Variants in RBM47 observed in about 807,000 individuals in gnomAD.
The protein encoded by RBM47 is RNA binding motif protein 47.
A neutral mutation model predicts 47.1 loss-of-function variants in RBM47; 21 were observed. That is an observed-to-expected ratio of 0.45 (90% confidence interval 0.32 to 0.64). The LOEUF (loss-of-function observed/expected upper bound fraction) is 0.64, where lower values mean the gene tolerates loss of function less well. Among genes scored for constraint, RBM47 ranks in the 30% least tolerant of loss-of-function variants. The probability of loss-of-function intolerance (pLI) is 0.05; values close to 1 mark genes in which losing one functional copy is unlikely to be tolerated. For synonymous variants in RBM47, 375 were observed against 361.7 expected (o/e 1.04, Z -0.42); for missense variants, 708 against 870.9 (o/e 0.81, Z 2.35).
At position 40,438,310 on chromosome 4, in the gene RBM47, C is replaced by G; in HGVS notation, c.584G>C (p.Gly195Ala). ...ASAADKMKNR[G>A]FAFVEYESHR... Reference sequence around the variant, plus strand: ...GCTCTCGTACTCCACGAAGGCGAAGCCGCGGTTCTTCATCTTGTCGGCCGC... The same window carrying G: ...GCTCTCGTACTCCACGAAGGCGAAGGCGCGGTTCTTCATCTTGTCGGCCGC... Residue 195 changes from glycine to alanine, a missense_variant, in exon 4 of 7, where the codon GGC becomes GCC. Gly to Ala is a moderately conservative substitution (Grantham distance 60). Transcript: ENST00000295971. 1 of 1,606,686 alleles carries G rather than the reference C, an allele frequency of 6.2e-7. No homozygotes were observed. The highest frequency in any genetic ancestry group is 8.5e-7 in the Non-Finnish European group (1 of 1,179,876).
chr4:40,474,944 C>T (rs776098453), intron 2 of RBM47, among the ~76,000 whole-genome samples: 1 of 152,182 alleles, frequency 6.6e-6, no homozygotes, highest in African/African-American at 2.4e-5. Flanking sequence ...ACTTCAAATG[C>T]TATTCAAATT....
At chr4:40,482,992 G>GA (rs964994155) in intron 2 of RBM47, among the ~76,000 whole-genome samples, 8 of 152,024 alleles carry the variant, frequency 5.3e-5, no homozygotes, top group African/African-American at 1.4e-4. Context: ...GAAATCATTC[G>GA]AAAAAAATCA....
rs1163057897 is a variant in RBM47, at chr4:40,423,436, TTA to T, written c.*2466_*2467del. The T allele has an allele frequency of 2.0e-5, 3 of 151,918 alleles. No homozygotes were observed. The highest frequency in any genetic ancestry group is 1.3e-4 in the Admixed American group (2 of 15,260). The allele number at this position is 151,918 out of a possible 1,614,324, so 9.4% of individuals were successfully genotyped here. A position where few individuals can be genotyped will look rare whatever the true frequency, so the allele number is the denominator to read the frequency against. ...GAACTCTAAAACTTTTTTTTTACAT[TTA>T]TATAGTTTGTTCTTAACACTAAAAA... On this transcript the variant is annotated 3_prime_UTR_variant, in exon 7 of 7. Coordinates refer to ENST00000295971, the MANE Select transcript of RBM47 (RefSeq NM_001098634.2).
At chr4:40,517,591 C>T (rs1182618237) in intron 2 of RBM47, among the ~76,000 whole-genome samples, 1 of 152,198 alleles carries the variant, frequency 6.6e-6, no homozygotes, top group Non-Finnish European at 1.5e-5. Context: ...GGCATATATT[C>T]TACGTACAGT....
intron 1 of RBM47, among the ~76,000 whole-genome samples, chr4:40,558,524 C>CAAAAAA (rs1198741417): frequency 1.1e-5 from 1 of 92,646 alleles, no homozygotes; most frequent in Non-Finnish European, 2.4e-5. Context: ...ATTAAAACTA[C>CAAAAAA]AAAAAAAAAA....
chr4:40,433,317 G>T (rs922559216), intron 5 of RBM47, among the ~76,000 whole-genome samples: 1 of 152,052 alleles, frequency 6.6e-6, no homozygotes, highest in Non-Finnish European at 1.5e-5. Context: ...GCTCACTATT[G>T]TTCTCTCAGT....
rs868366545 is a variant in RBM47, at chr4:40,437,088, A to T, written c.1124-441T>A. Among the ~76,000 whole-genome samples the T allele has an allele frequency of 1.6e-3, 87 of 54,000 alleles. 8 individuals carry two copies. Among genetic ancestry groups the T allele is most frequent in the African/African-American group, 6.8e-3 (63 of 9,244 alleles). 35.4% of individuals were successfully genotyped at this position (54,000 alleles called of 152,430 possible). On this transcript the variant is annotated intron_variant, in intron 4 of 6. Transcript: ENST00000295971. ...GACCCTGTCTCAAAAAAAAAAAAAA[A>T]AAATATATATATATATATATATAAA...
At chr4:40,624,218 T>C (rs1277691676) in intron 1 of RBM47, among the ~76,000 whole-genome samples, 2 of 152,086 alleles carry the variant, frequency 1.3e-5, no homozygotes, top group African/African-American at 2.4e-5. Context: ...GGAAACTGAG[T>C]CACAGAGTTT....
intron 2 of RBM47, among the ~76,000 whole-genome samples, chr4:40,507,582 T>C (rs1272517256): frequency 6.6e-6 from 1 of 152,066 alleles, no homozygotes; most frequent in African/African-American, 2.4e-5. Context: ...AAGTCAGGAA[T>C]TCAAGACCAG....
chr4:40,611,273 T>C lies in RBM47; in HGVS notation c.-240+18123A>G, dbSNP rs531985345. Among the ~76,000 whole-genome samples, 3 of 152,308 alleles carry C rather than the reference T, an allele frequency of 2.0e-5. No homozygotes were observed. In the South Asian group the frequency reaches 6.2e-4, roughly 32 times the overall value. ...ATTCTAGAAAGCACAAAAGAGTATT[T>C]TATTTTATTTTTGCTTACGTGTCTG... On this transcript the variant is annotated intron_variant, in intron 1 of 6. Transcript: ENST00000295971.
intron 2 of RBM47, among the ~76,000 whole-genome samples, chr4:40,490,912 A>T (rs1192157677): frequency 1.3e-5 from 2 of 152,210 alleles, no homozygotes; most frequent in Non-Finnish European, 2.9e-5. Context: ...AAAATTGATA[A>T]ATGGATACTA....
intron 2 of RBM47, chr4:40,514,645 T>C (rs1033155481): frequency 2.0e-5 from 3 of 152,188 alleles, no homozygotes; most frequent in Non-Finnish European, 4.4e-5. Context: ...CAGGCTTGTG[T>C]CCCACCCTCA....
At chr4:40,540,508 G>T (rs431883) in intron 2 of RBM47, among the ~76,000 whole-genome samples, 1 of 151,200 alleles carries the variant, frequency 6.6e-6, no homozygotes, top group South Asian at 2.1e-4. Flanking sequence ...GCATGGTGGC[G>T]CATGCCTGTA....
intron 1 of RBM47, among the ~76,000 whole-genome samples, chr4:40,557,696 C>G (rs552304877): frequency 7.2e-5 from 11 of 152,196 alleles, no homozygotes; most frequent in South Asian, 6.2e-4. Flanking sequence ...TTGCAGTGAG[C>G]CAAGGTCGCA....
At chr4:40,515,041 A>T (rs549414594) in intron 2 of RBM47, among the ~76,000 whole-genome samples, 3 of 152,224 alleles carry the variant, frequency 2.0e-5, no homozygotes, top group Admixed American at 6.5e-5. Context: ...GCAACTCAAA[A>T]AGTGCTCATA....
intron 1 of RBM47, among the ~76,000 whole-genome samples, chr4:40,545,339 C>T (rs1233695753): frequency 1.4e-5 from 2 of 147,520 alleles, no homozygotes; most frequent in African/African-American, 2.5e-5. Flanking sequence ...GCGTGAGCCA[C>T]GGCGCCCGGC....
At chr4:40,535,477 T>C (rs969877032) in intron 2 of RBM47, among the ~76,000 whole-genome samples, 1 of 150,334 alleles carries the variant, frequency 6.7e-6, no homozygotes, top group African/African-American at 2.5e-5. Context: ...GTTCAAGCGA[T>C]TCTCCTGCCT....
chr4:40,448,866 G>GA (rs1177152088), intron 3 of RBM47, among the ~76,000 whole-genome samples: 2 of 151,750 alleles, frequency 1.3e-5, no homozygotes, highest in Non-Finnish European at 2.9e-5. Context: ...ATGGTTTACA[G>GA]AAAAATTATT....
At chr4:40,529,166 C>T (rs969013844) in intron 2 of RBM47, among the ~76,000 whole-genome samples, 3 of 152,102 alleles carry the variant, frequency 2.0e-5, no homozygotes, top group Middle Eastern at 3.4e-3. Context: ...CCTTGACTTA[C>T]AATGGGCTAC....
Sources: allele counts gnomAD v4.1 joint callset (sites outside exome capture counted in the v4.1 genomes callset), GRCh38; gene constraint gnomAD v4.1.1; transcripts MANE v1.5; gene names NCBI Gene and HGNC (gene_info 2026-07-23, HGNC 2026-07-21).